Variants in SCFD1 observed in about 807,000 individuals in gnomAD.
The protein encoded by SCFD1 is sec1 family domain-containing protein 1.
In SCFD1, 37 loss-of-function variants were observed where a neutral mutation model predicts 103.2. The ratio of observed to expected loss-of-function variants is 0.36; its 90% CI spans 0.28 to 0.47. The LOEUF is 0.47. Among genes scored for constraint, SCFD1 ranks in the 20% least tolerant of loss-of-function variants. The probability of loss-of-function intolerance (pLI) is 1.00; values close to 1 mark genes in which losing one functional copy is unlikely to be tolerated. For missense variants in SCFD1, 639 were observed against 761.2 expected (o/e 0.84, Z 1.89); for synonymous variants, 264 against 245.0 (o/e 1.08, Z -0.73).
intron 19 of SCFD1, among the ~76,000 whole-genome samples, chr14:30,711,366 G>C (rs1891857078): frequency 6.6e-6 from 1 of 152,154 alleles, no homozygotes; most frequent in African/African-American, 2.4e-5. Context: ...CCAGTACTTT[G>C]GGAGGCCAAG....
At chr14:30,667,441 C>G (rs955051544) in intron 10 of SCFD1, among the ~76,000 whole-genome samples, 1 of 152,184 alleles carries the variant, frequency 6.6e-6, no homozygotes, top group African/African-American at 2.4e-5. Context: ...AAACCTACAG[C>G]CAATATCATA....
chr14:30,650,786 G>T, intron 9 of SCFD1, 136 bp downstream of exon 9: 2 of 539,366 alleles, frequency 3.7e-6, no homozygotes, highest in Non-Finnish European at 6.6e-6. Context: ...TCAAGGTTTT[G>T]ACTCATATTG....
intron 12 of SCFD1, among the ~76,000 whole-genome samples, chr14:30,673,721 A>ATGT (rs1454351685): frequency 6.6e-6 from 1 of 152,196 alleles, no homozygotes; most frequent in African/African-American, 2.4e-5. Context: ...TAACCATTAG[A>ATGT]CTGGCGATTA....
chr14:30,730,043 G>A (rs975637482), intron 23 of SCFD1, among the ~76,000 whole-genome samples: 1 of 152,148 alleles, frequency 6.6e-6, no homozygotes, highest in African/African-American at 2.4e-5. Context: ...GGTGTGTGAT[G>A]TTCCCCTTCC....
chr14:30,684,351 G>C (rs1889753433), intron 14 of SCFD1, among the ~76,000 whole-genome samples: 1 of 152,202 alleles, frequency 6.6e-6, no homozygotes, highest in South Asian at 2.1e-4. Flanking sequence ...CTTTTGGTGA[G>C]AGAAGGGACA....
At chr14:30,735,442 T>C (rs1893776233) in intron 24 of SCFD1, 144 bp from the exon 25 acceptor site, 1 of 657,182 alleles carries the variant, frequency 1.5e-6, no homozygotes, top group Non-Finnish European at 2.7e-6. Flanking sequence ...TTTGAGTTAG[T>C]GGTGAACATT....
chr14:30,627,692 G>A (rs1156915363), intron 1 of SCFD1, among the ~76,000 whole-genome samples: 1 of 147,764 alleles, frequency 6.8e-6, no homozygotes, highest in Non-Finnish European at 1.5e-5. Flanking sequence ...GTGGTGAGCC[G>A]AGATCACGCC....
intron 15 of SCFD1, among the ~76,000 whole-genome samples, chr14:30,699,351 G>A (rs1335429118): frequency 6.6e-6 from 1 of 152,150 alleles, no homozygotes; most frequent in Non-Finnish European, 1.5e-5. Flanking sequence ...ACAATTCTGA[G>A]TTCTTGCATC....
intron 15 of SCFD1, among the ~76,000 whole-genome samples, chr14:30,697,795 AC>A (rs1890798312): frequency 6.6e-6 from 1 of 152,216 alleles, no homozygotes; most frequent in African/African-American, 2.4e-5. Context: ...TTAAAAAGTA[AC>A]CAAGGCCATG....
At chr14:30,661,873 T>C (rs1001510794) in intron 10 of SCFD1, among the ~76,000 whole-genome samples, 1 of 152,194 alleles carries the variant, frequency 6.6e-6, no homozygotes, top group African/African-American at 2.4e-5. Flanking sequence ...CTAAATCCAA[T>C]TGAAACTGTT....
intron 14 of SCFD1, among the ~76,000 whole-genome samples, chr14:30,694,420 C>G (rs1326438118): frequency 6.6e-6 from 1 of 152,010 alleles, no homozygotes; most frequent in Non-Finnish European, 1.5e-5. Context: ...CACCTGTAAT[C>G]CCGCACTTTG....
intron 19 of SCFD1, among the ~76,000 whole-genome samples, chr14:30,712,130 G>T (rs1891926160): frequency 6.6e-6 from 1 of 152,012 alleles, no homozygotes; most frequent in Non-Finnish European, 1.5e-5. Flanking sequence ...TCACTTCACT[G>T]GCAACTTTCC....
At chr14:30,634,838 T>C (rs1176551579) in intron 4 of SCFD1, 1 of 455,966 alleles carries the variant, frequency 2.2e-6, no homozygotes, top group Admixed American at 2.3e-5. Context: ...GGACATGGAC[T>C]GTGCCAGCCC....
chr14:30,622,506 C>G, intron 1 of SCFD1, 107 bp downstream of exon 1: 1 of 1,453,790 alleles, frequency 6.9e-7, no homozygotes, highest in Admixed American at 2.6e-5. Flanking sequence ...TTAATCCAGT[C>G]CCTAGAACAT....
chr14:30,734,939 C>A, intron 24 of SCFD1, 81 bp downstream of exon 24: 1 of 1,161,814 alleles, frequency 8.6e-7, no homozygotes, highest in Non-Finnish European at 1.3e-6. Context: ...GAAAGAAAAC[C>A]ACTTACTCAC....
chr14:30,715,209 A>T (rs2139390225), intron 19 of SCFD1: 1 of 152,344 alleles, frequency 6.6e-6, no homozygotes, highest in Admixed American at 6.5e-5. Flanking sequence ...TTAATCTCAT[A>T]CGTTTTCACG....
chr14:30,697,753 G>A (rs1890794613), intron 15 of SCFD1, among the ~76,000 whole-genome samples: 1 of 152,138 alleles, frequency 6.6e-6, no homozygotes. Flanking sequence ...ACTTAATTGT[G>A]TGATATTCTA....
intron 4 of SCFD1, among the ~76,000 whole-genome samples, chr14:30,637,073 A>G (rs1176535353): frequency 3.3e-5 from 5 of 152,064 alleles, no homozygotes; most frequent in Non-Finnish European, 7.4e-5. Flanking sequence ...ATCAGGATCT[A>G]GGCATTAGGT....
chr14:30,732,592 C>G (rs1893553123), intron 23 of SCFD1, among the ~76,000 whole-genome samples: 1 of 152,188 alleles, frequency 6.6e-6, no homozygotes, highest in African/African-American at 2.4e-5. Context: ...CAGCCTTCCT[C>G]ACATCATTAG....
Sources: allele counts gnomAD v4.1 joint callset (sites outside exome capture counted in the v4.1 genomes callset), GRCh38; gene constraint gnomAD v4.1.1; transcripts MANE v1.5; gene names NCBI Gene and HGNC (gene_info 2026-07-23, HGNC 2026-07-21).